The following CRACR2A variants were observed in gnomAD, a reference collection of about 807,000 sequenced individuals.
CRACR2A encodes calcium release activated channel regulator 2A, also known as EF-hand calcium-binding domain-containing protein 4B.
In CRACR2A, 79 loss-of-function variants were observed where a neutral mutation model predicts 90.5. That is an observed-to-expected ratio of 0.87 (90% CI 0.73 to 1.05). CRACR2A has a LOEUF of 1.05. Ranked by LOEUF, CRACR2A falls within the 50% of genes least tolerant of loss-of-function variation. The probability of loss-of-function intolerance (pLI) is 0.00; values close to 1 mark genes in which losing one functional copy is unlikely to be tolerated. For missense variants in CRACR2A, 823 were observed against 897.2 expected, an observed-to-expected ratio of 0.92 and a Z score of 1.06; for synonymous variants, 338 against 356.7, an observed-to-expected ratio of 0.95 and a Z score of 0.59.
Position 3,638,372 on chromosome 12 carries a change from C to G in CRACR2A, c.1354G>C (p.Glu452Gln). Residue 452 changes from glutamate to glutamine, a missense_variant, in exon 14 of 20, where the codon GAG becomes CAG. Coordinates refer to ENST00000440314, the MANE Select transcript of CRACR2A (RefSeq NM_001144958.2). ...GLSGYPLTEE[E>Q]PGTGEPGPGG... ...GGCCCTGGCTCCCCGGTTCCTGGCT[C>G]CTCTTCTGTTAGGGGATATCCACTC... 1.9e-6 allele frequency: 3 copies of G among 1,551,648 alleles called. No homozygotes were observed. Among genetic ancestry groups the G allele is most frequent in the Non-Finnish European group, 2.6e-6 (3 of 1,146,958 alleles).
In CRACR2A at chr12:3,730,140, T is replaced by C. The variant is rs184776692; in HGVS notation, c.-118+2802A>G. 8 of 152,244 alleles carry C rather than the reference T, an allele frequency of 5.3e-5. No individual in the cohort carries two copies. The East Asian group carries it at 1.2e-3, about 22-fold the overall frequency. 9.4% of individuals were successfully genotyped at this position (152,244 alleles called of 1,614,324 possible). On this transcript the variant is annotated intron_variant, in intron 2 of 19. Transcript: ENST00000440314. ...CAGGGGCCGATGAAGAAGAATCGCT[T>C]TCATATTAAGTCTGCCCTCCTCCCT...
chr12:3,638,410 C>T lies in CRACR2A; in HGVS notation c.1316G>A (p.Ser439Asn), dbSNP rs1398166644. Reference protein sequence around the residue: ...EEEVFGIPRRSSLGLSGYPLT... With the variant: ...EEEVFGIPRRNSLGLSGYPLT... The stretch of plus-strand genomic sequence containing the variant: ...GGGATATCCACTCAGGCCCAGGGAG[C>T]TTCTCCTTGGGATGCCAAACACCTC... The change falls in exon 14 of 20, where the codon AGC becomes AAC. Residue 439 changes from serine (S) to asparagine (N), a missense_variant. Transcript: ENST00000440314. 3 of 1,548,686 alleles carry T rather than the reference C, an allele frequency of 1.9e-6. No homozygotes were observed. The highest frequency in any genetic ancestry group is 2.4e-5 in the South Asian group (2 of 83,990).
intron 3 of CRACR2A, among the ~76,000 whole-genome samples, chr12:3,712,685 A>C (rs903675506): frequency 6.6e-6 from 1 of 152,190 alleles, no homozygotes; most frequent in African/African-American, 2.4e-5. Context: ...GGGCAGTGAC[A>C]AATATCCAAA....
chr12:3,618,703 G>T (rs1044337506), intron 18 of CRACR2A, among the ~76,000 whole-genome samples: 9 of 152,198 alleles, frequency 5.9e-5, no homozygotes, highest in Non-Finnish European at 1.3e-4. Flanking sequence ...GGCAGTAAAA[G>T]AAGCCAAGGA....
At chr12:3,735,030 C>G (rs1228859309) in intron 1 of CRACR2A, among the ~76,000 whole-genome samples, 2 of 151,974 alleles carry the variant, frequency 1.3e-5, no homozygotes, top group Non-Finnish European at 2.9e-5. Flanking sequence ...ACCACATACA[C>G]AAAAATGGTA....
intron 4 of CRACR2A, among the ~76,000 whole-genome samples, chr12:3,693,035 G>T (rs960277445): frequency 6.6e-6 from 1 of 152,160 alleles, no homozygotes; most frequent in African/African-American, 2.4e-5. Flanking sequence ...TCCAGCAGAA[G>T]AGGGAGGCAG....
At chr12:3,643,475 C>G (rs1944610490) in intron 12 of CRACR2A, among the ~76,000 whole-genome samples, 1 of 151,834 alleles carries the variant, frequency 6.6e-6, no homozygotes, top group African/African-American at 2.4e-5. Context: ...AATGACTTGC[C>G]CAGGGACCCA....
chr12:3,721,987 T>A (rs967711619), intron 2 of CRACR2A, among the ~76,000 whole-genome samples: 4 of 152,162 alleles, frequency 2.6e-5, no homozygotes. Flanking sequence ...TCATGCCAAA[T>A]TGACTCAGTT....
rs934676223 is a variant in CRACR2A at position 3,673,332 on chromosome 12, A to C, written c.671+114T>G. The C allele has an allele frequency of 3.8e-6, 5 of 1,318,498 alleles. No individual in the cohort carries two copies. In the African/African-American group the frequency reaches 7.4e-5, roughly 19 times the overall value. 81.7% of individuals were successfully genotyped at this position (1,318,498 alleles called of 1,614,324 possible). A position where few individuals can be genotyped will look rare whatever the true frequency, so the allele number is the denominator to read the frequency against. Reference sequence around the variant, plus strand: ...CAGGGCCTGGTCCCCACTTTGGCAGACAGCAAAAGGAGGCATTGCACGATG... The same window carrying C: ...CAGGGCCTGGTCCCCACTTTGGCAGCCAGCAAAAGGAGGCATTGCACGATG... On this transcript the variant is annotated intron_variant, in intron 7 of 19. Coordinates refer to ENST00000440314, the MANE Select transcript of CRACR2A (RefSeq NM_001144958.2).
chr12:3,694,992 AT>A (rs1246539986), intron 4 of CRACR2A, among the ~76,000 whole-genome samples: 1 of 152,146 alleles, frequency 6.6e-6, no homozygotes. Context: ...TTCTGACTAT[AT>A]TTCAAGTCAA....
At chr12:3,642,417 G>A (rs1403442188) in intron 12 of CRACR2A, among the ~76,000 whole-genome samples, 2 of 152,096 alleles carry the variant, frequency 1.3e-5, no homozygotes, top group Non-Finnish European at 2.9e-5. Context: ...CTCTTGCTAT[G>A]TTGTCCAGGC....
chr12:3,669,711 G>C (rs2137557719), intron 7 of CRACR2A, among the ~76,000 whole-genome samples: 1 of 152,268 alleles, frequency 6.6e-6, no homozygotes, highest in East Asian at 1.9e-4. Flanking sequence ...GGCTTGCCTA[G>C]CACTCAGCCA....
intron 10 of CRACR2A, among the ~76,000 whole-genome samples, 155 bp downstream of exon 10, chr12:3,654,057 A>C (rs1332718028): frequency 6.6e-6 from 1 of 152,226 alleles, no homozygotes; most frequent in East Asian, 1.9e-4. Flanking sequence ...TAGTGTCAGA[A>C]TCCTAGAGGA....
intron 14 of CRACR2A, among the ~76,000 whole-genome samples, chr12:3,636,969 C>T (rs779067625): frequency 1.3e-5 from 2 of 152,308 alleles, no homozygotes; most frequent in South Asian, 2.1e-4. Context: ...TTCACACTGC[C>T]GTGGATCGTT....
intron 7 of CRACR2A, among the ~76,000 whole-genome samples, chr12:3,660,707 T>C (rs1945013304): frequency 6.6e-6 from 1 of 152,140 alleles, no homozygotes; most frequent in Non-Finnish European, 1.5e-5. Flanking sequence ...CCTTTTTTGC[T>C]GACCATGCAG....
At chr12:3,659,461 A>C in intron 8 of CRACR2A, 103 bp downstream of exon 8, 1 of 878,124 alleles carries the variant, frequency 1.1e-6, no homozygotes, top group Non-Finnish European at 1.8e-6. Flanking sequence ...GAAAGAGGGA[A>C]TCAATAGTGC....
intron 1 of CRACR2A, among the ~76,000 whole-genome samples, chr12:3,752,351 C>G (rs61908625): frequency 8.2e-5 from 2 of 24,300 alleles, no homozygotes; most frequent in Admixed American, 2.6e-4. Context: ...CACACACACA[C>G]ACACGGACAC....
chr12:3,615,806 T>A (rs138977166), intron 19 of CRACR2A, among the ~76,000 whole-genome samples: 526 of 152,252 alleles, frequency 3.5e-3, no homozygotes, highest in African/African-American at 0.012. Flanking sequence ...AGAAAATGAG[T>A]TGCTTGGGAC....
rs1944412350 is a variant in CRACR2A, at chr12:3,633,631, A to G, written c.1708T>C (p.Phe570Leu). Reference protein sequence around the residue: ...SFLRRFCEDRFSPGMAATVGI... With the variant: ...SFLRRFCEDRLSPGMAATVGI... ...ACAGTGGCCGCCATGCCTGGGGAGA[A>G]CCGGTCCTCACAGAATCTCCTCAGG... Residue 570 changes from phenylalanine (F) to leucine (L), a missense_variant, in exon 15 of 20, where the codon TTC becomes CTC. By Grantham distance (22) the Phe-to-Leu change is conservative. Coordinates refer to ENST00000440314, the MANE Select transcript of CRACR2A (RefSeq NM_001144958.2). This position sits in a 1 kb window ranked among gnomAD's most constrained non-coding sequence, Gnocchi z 4.5. 4.5e-6 allele frequency: 7 copies of G among 1,551,706 alleles called. No individual in the cohort carries two copies. The highest frequency in any genetic ancestry group is 5.2e-6 in the Non-Finnish European group (6 of 1,146,992).
Sources: allele counts gnomAD v4.1 joint callset (sites outside exome capture counted in the v4.1 genomes callset), GRCh38; gene constraint gnomAD v4.1.1; non-coding constraint Gnocchi (gnomAD v3.1); transcripts MANE v1.5; gene names NCBI Gene and HGNC (gene_info 2026-07-23, HGNC 2026-07-21).